Variants in PRPSAP2 observed in about 807,000 individuals in gnomAD.
The protein encoded by PRPSAP2 is phosphoribosyl pyrophosphate synthase-associated protein 2.
A neutral mutation model predicts 40.6 loss-of-function variants in PRPSAP2; 24 were observed. The observed-to-expected ratio is 0.59, with a 90% CI of 0.43 to 0.83. The LOEUF (loss-of-function observed/expected upper bound fraction) is 0.83, where lower values mean the gene tolerates loss of function less well. Ranked by LOEUF, PRPSAP2 falls within the 40% of genes least tolerant of loss-of-function variation. PRPSAP2 has a pLI of 0.00. For synonymous variants in PRPSAP2, 149 were observed against 164.7 expected (o/e 0.90, Z 0.73); for missense variants, 292 against 465.6 (o/e 0.63, Z 3.43).
rs1216742234 is a variant in PRPSAP2 at position 18,858,233 on chromosome 17, G to A, written c.-157G>A. ...TTCTTCCTTCTGCAGCTGAGGCTGC[G>A]GCGGGGCCGGGGCTGGGGTCGGGGC... On this transcript the variant is annotated 5_prime_UTR_variant, in exon 1 of 12. Transcript: ENST00000268835. 1 of 152,424 alleles carries A rather than the reference G, an allele frequency of 6.6e-6. No individual in the cohort carries two copies. Among genetic ancestry groups the A allele is most frequent in the Non-Finnish European group, 1.5e-5 (1 of 68,126 alleles). 9.4% of individuals were successfully genotyped at this position (152,424 alleles called of 1,614,324 possible).
Position 18,911,076 on chromosome 17 carries a change from G to T in PRPSAP2, c.585-27G>T. ...CAGAACCAAGGGCTGCATGAGTTTT[G>T]AGCTTGTGTCTGGTGTTTTCCCTCA... On this transcript the variant is annotated intron_variant, in intron 8 of 11. Coordinates refer to ENST00000268835, the MANE Select transcript of PRPSAP2 (RefSeq NM_002767.4). This position sits in a 1 kb window ranked among gnomAD's most constrained non-coding sequence, Gnocchi z 4.5. The T allele has an allele frequency of 1.3e-6, 2 of 1,585,404 alleles. No homozygotes were observed. The highest frequency in any genetic ancestry group is 2.3e-5 in the South Asian group (2 of 88,296).
chr17:18,889,815 G>A lies in PRPSAP2; in HGVS notation c.529-7G>A, dbSNP rs1205067530. ...TGCAGTAATACCTGACTTCTTGTCTGTCACAGATCCCAGATTACAGGAATG... is the reference window on the plus strand; with the variant it reads ...TGCAGTAATACCTGACTTCTTGTCTATCACAGATCCCAGATTACAGGAATG... On this transcript the variant is annotated splice_polypyrimidine_tract_variant and splice_region_variant and intron_variant, in intron 7 of 11. Transcript: ENST00000268835. 3 of 1,605,628 alleles carry A rather than the reference G, an allele frequency of 1.9e-6. No homozygotes were observed. Among genetic ancestry groups the A allele is most frequent in the Non-Finnish European group, 2.6e-6 (3 of 1,175,786 alleles).
At chr17:18,866,065 ATAAT>A in intron 3 of PRPSAP2, 113 bp downstream of exon 3, 1 of 728,504 alleles carries the variant, frequency 1.4e-6, no homozygotes, top group Non-Finnish European at 1.8e-6. Flanking sequence ...TAATTATAAA[ATAAT>A]TATATCTTTT....
intron 6 of PRPSAP2, among the ~76,000 whole-genome samples, chr17:18,882,135 G>A (rs1248155734): frequency 1.3e-5 from 2 of 151,882 alleles, no homozygotes; most frequent in South Asian, 2.1e-4. Context: ...CACAGTGCCC[G>A]GCTGGAGAGC....
In PRPSAP2 at chr17:18,885,595, G is replaced by GT. The variant is rs963330832; in HGVS notation, c.528+2921dup. Among the ~76,000 whole-genome samples, 161 of 148,998 alleles carry GT rather than the reference G, an allele frequency of 1.1e-3. 2 individuals are homozygous for GT. Among genetic ancestry groups the GT allele is most frequent in the African/African-American group, 3.5e-3 (140 of 40,536 alleles). On this transcript the variant is annotated intron_variant, in intron 7 of 11. Transcript: ENST00000268835. ...CATATCTGGCTAATTTTTGTTTTTT[G>GT]TTTTTTTTTGAGATGGAGTTTCGCT... is the stretch of plus-strand genomic sequence containing the variant.
chr17:18,904,832 CT>C (rs2040483838), intron 8 of PRPSAP2: 1 of 152,112 alleles, frequency 6.6e-6, no homozygotes, highest in Non-Finnish European at 1.5e-5. Flanking sequence ...TGTAAATTAA[CT>C]CATTATCGTA....
At chr17:18,864,655 A>G (rs2037300224) in intron 1 of PRPSAP2, among the ~76,000 whole-genome samples, 1 of 152,128 alleles carries the variant, frequency 6.6e-6, no homozygotes. Flanking sequence ...ATTTGAGAAT[A>G]ATGAAAAAGA....
At position 18,911,348 on chromosome 17, in the gene PRPSAP2, T is replaced by TTTTA. The variant is rs55971101; in HGVS notation, c.733+97_733+98insTTTA. 83 of 1,244,960 alleles carry TTTTA rather than the reference T, an allele frequency of 6.7e-5. No individual in the cohort carries two copies. Among genetic ancestry groups the TTTTA allele is most frequent in the South Asian group, 1.6e-4 (8 of 51,024 alleles). 77.1% of individuals were successfully genotyped at this position (1,244,960 alleles called of 1,614,324 possible). ...TTTTTCCTCATTCTTCGTTTTTTTT[T>TTTTA]AGTTGGCAAAAACTCATTAACACCT... On this transcript the variant is annotated intron_variant, in intron 9 of 11. Coordinates refer to ENST00000268835, the MANE Select transcript of PRPSAP2 (RefSeq NM_002767.4). The surrounding 1 kb of genome is among the most constrained non-coding windows in gnomAD (Gnocchi z 4.5).
At chr17:18,885,563 A>G (rs1235289882) in intron 7 of PRPSAP2, among the ~76,000 whole-genome samples, 1 of 151,810 alleles carries the variant, frequency 6.6e-6, no homozygotes, top group East Asian at 1.9e-4. Context: ...TCCTGGGTTC[A>G]AGCAAGCATA....
chr17:18,924,989 G>A (rs1052385803), intron 10 of PRPSAP2, among the ~76,000 whole-genome samples: 21 of 151,474 alleles, frequency 1.4e-4, no homozygotes, highest in Admixed American at 6.6e-4. Flanking sequence ...ACATGTTGGC[G>A]CACACCTGTA....
Position 18,928,949 on chromosome 17 carries a change from A to G in PRPSAP2, c.943A>G (p.Ile315Val), listed in dbSNP as rs772179015. The G allele has an allele frequency of 6.2e-7, 1 of 1,613,598 alleles. No individual in the cohort carries two copies. The highest frequency in any genetic ancestry group is 8.5e-7 in the Non-Finnish European group (1 of 1,179,616). The change falls in exon 11 of 12, where the codon ATT becomes GTT. Residue 315 changes from isoleucine to valine, a missense_variant. Ile to Val is a conservative substitution (Grantham distance 29). Around this residue, in one of 2 missense-constraint regions of PRPSAP2, gnomAD observed 241 missense variants for 425.7 expected, o/e 0.57. Transcript: ENST00000268835. ...DAPRRIEESAIDEVVVTNTIP... is the reference protein window; with the variant it reads ...DAPRRIEESAVDEVVVTNTIP... ...CCCCCGGCGGATTGAAGAGTCTGCCATTGATGAGGTAACAGGGTCTGGGTG... is the reference window on the plus strand; with the variant it reads ...CCCCCGGCGGATTGAAGAGTCTGCCGTTGATGAGGTAACAGGGTCTGGGTG...
chr17:18,900,516 A>G (rs2040200966), intron 8 of PRPSAP2, among the ~76,000 whole-genome samples: 1 of 151,918 alleles, frequency 6.6e-6, no homozygotes, highest in Non-Finnish European at 1.5e-5. Flanking sequence ...TTTCATTCAT[A>G]TTGAGATTTC....
chr17:18,900,131 C>T (rs1394267777), intron 8 of PRPSAP2, among the ~76,000 whole-genome samples: 12 of 151,784 alleles, frequency 7.9e-5, no homozygotes, highest in Admixed American at 6.6e-4. Flanking sequence ...GTGATCTGCC[C>T]GCCTCAGCCT....
chr17:18,906,520 A>AT (rs1283928304), intron 8 of PRPSAP2, among the ~76,000 whole-genome samples: 18 of 150,252 alleles, frequency 1.2e-4, no homozygotes, highest in African/African-American at 3.4e-4. Context: ...GGGCCAGCTA[A>AT]TTTTTTTTTA....
Position 18,872,773 on chromosome 17 carries a change from A to G in PRPSAP2, c.239+124A>G, listed in dbSNP as rs1011573241. 1.3e-5 allele frequency: 9 copies of G among 719,060 alleles called. No individual in the cohort carries two copies. The African/African-American group carries it at 1.5e-4, about 12-fold the overall frequency. The allele number at this position is 719,060 out of a possible 1,614,324, so 44.5% of individuals were successfully genotyped here. ...TAAAATTAGTATATCTTACCAATTT[A>G]GAATTTAGAAAACTAAGTTTTCTGA... On this transcript the variant is annotated intron_variant, in intron 5 of 11. Transcript: ENST00000268835.
chr17:18,891,234 T>C (rs768576220), intron 8 of PRPSAP2, among the ~76,000 whole-genome samples: 2 of 152,198 alleles, frequency 1.3e-5, no homozygotes, highest in Admixed American at 6.5e-5. Context: ...AGTAAGCCAT[T>C]GATTTCAAAA....
At chr17:18,891,350 T>C (rs1597627547) in intron 8 of PRPSAP2, among the ~76,000 whole-genome samples, 1 of 152,352 alleles carries the variant, frequency 6.6e-6, no homozygotes. Flanking sequence ...AACCATTACA[T>C]GGCTGTGTTC....
intron 8 of PRPSAP2, among the ~76,000 whole-genome samples, chr17:18,896,842 T>TGGAAA (rs1202584108): frequency 3.1e-4 from 47 of 152,296 alleles, no homozygotes; most frequent in African/African-American, 1.1e-3. Context: ...CAGTGGTTGC[T>TGGAAA]AGTCTTCTGT....
chr17:18,866,365 C>G (rs945260099), intron 3 of PRPSAP2, among the ~76,000 whole-genome samples: 1 of 152,122 alleles, frequency 6.6e-6, no homozygotes, highest in Non-Finnish European at 1.5e-5. Flanking sequence ...GAGATTGAGA[C>G]CATCCTAGTT....
Sources: gnomAD v4.1 joint callset for allele counts (sites outside exome capture counted in the v4.1 genomes callset) on GRCh38, gnomAD v4.1.1 for gene constraint, gnomAD v4.1.1 regional missense constraint, Gnocchi (gnomAD v3.1) non-coding constraint, MANE v1.5 for transcripts, NCBI Gene and HGNC (gene_info 2026-07-23, HGNC 2026-07-21) for gene names.